The following EYS variants were observed in gnomAD, a reference collection of about 807,000 sequenced individuals.
EYS encodes EGF-like photoreceptor maintenance factor, also known as protein eyes shut homolog.
A neutral mutation model predicts 282.1 loss-of-function variants in EYS; 250 were observed. The ratio of observed to expected loss-of-function variants is 0.89; its 90% CI spans 0.80 to 0.98. The LOEUF (loss-of-function observed/expected upper bound fraction) is 0.98. Among genes scored for constraint, EYS ranks in the 50% least tolerant of loss-of-function variants. EYS has a pLI of 0.00. For synonymous variants in EYS, 1,355 were observed against 1,282.9 expected (o/e 1.06, Z -1.20); for missense variants, 4,016 against 3,709.0 (o/e 1.08, Z -2.15).
intron 26 of EYS, among the ~76,000 whole-genome samples, chr6:64,459,788 T>C (rs759378257): frequency 1.3e-5 from 2 of 152,180 alleles, no homozygotes; most frequent in Admixed American, 6.5e-5. Flanking sequence ...GCCAGCCAGA[T>C]TGAGGGTGGG....
chr6:65,671,292 A>G (rs967350596), intron 1 of EYS, among the ~76,000 whole-genome samples: 4 of 152,094 alleles, frequency 2.6e-5, no homozygotes, highest in Admixed American at 6.6e-5. Context: ...TTTATTTTAC[A>G]TGAAAACAAA....
intron 13 of EYS, among the ~76,000 whole-genome samples, chr6:65,029,942 C>A (rs553386785): frequency 6.6e-6 from 1 of 152,114 alleles, no homozygotes; most frequent in African/African-American, 2.4e-5. Context: ...ATGGCCCACT[C>A]TCACTATGGA....
At chr6:64,781,935 T>C (rs1773875297) in intron 22 of EYS, among the ~76,000 whole-genome samples, 1 of 152,218 alleles carries the variant, frequency 6.6e-6, no homozygotes, top group African/African-American at 2.4e-5. Context: ...AGATGCTAAA[T>C]ATGGCACAGT....
intron 9 of EYS, among the ~76,000 whole-genome samples, chr6:65,348,660 C>T (rs981435004): frequency 6.6e-6 from 1 of 151,456 alleles, no homozygotes; most frequent in Non-Finnish European, 1.5e-5. Flanking sequence ...TATGATATAC[C>T]ATTCTGTGAG....
chr6:64,455,050 C>T (rs892332538), intron 26 of EYS, among the ~76,000 whole-genome samples: 1 of 152,000 alleles, frequency 6.6e-6, no homozygotes, highest in Non-Finnish European at 1.5e-5. Context: ...TATTGAGCAA[C>T]CTTGTCGAAC....
intron 12 of EYS, among the ~76,000 whole-genome samples, chr6:65,246,892 A>T (rs995809180): frequency 3.9e-5 from 6 of 152,110 alleles, no homozygotes; most frequent in Non-Finnish European, 7.4e-5. Context: ...TTTCAAGTAC[A>T]TTCCTAAAGT....
At chr6:64,407,301 G>T (rs1202249306) in intron 28 of EYS, among the ~76,000 whole-genome samples, 1 of 151,990 alleles carries the variant, frequency 6.6e-6, no homozygotes, top group Non-Finnish European at 1.5e-5. Context: ...CCTGTCATGG[G>T]GTGGGGGGCT....
rs144581026 is a variant in EYS at position 65,401,117 on chromosome 6, C to A, written c.1184+1361G>T. 4.1e-3 allele frequency among the ~76,000 whole-genome samples: 624 copies of A among 152,026 alleles called. 5 individuals are homozygous for A. The highest frequency in any genetic ancestry group is 0.014 in the African/African-American group (591 of 41,524). On this transcript the variant is annotated intron_variant, in intron 7 of 42. Transcript: ENST00000503581. Reference sequence around the variant, plus strand: ...AGTTCTAATTTCAAAGTGTTAGAGTCACTGACCTAGGAAAACATACCTCAT... The same window carrying A: ...AGTTCTAATTTCAAAGTGTTAGAGTAACTGACCTAGGAAAACATACCTCAT...
intron 35 of EYS, among the ~76,000 whole-genome samples, chr6:63,927,833 G>T (rs891765245): frequency 2.0e-5 from 3 of 152,208 alleles, no homozygotes; most frequent in African/African-American, 7.2e-5. Flanking sequence ...TAGCTTGGAG[G>T]TAGTGGTGAA....
intron 12 of EYS, among the ~76,000 whole-genome samples, chr6:65,166,918 A>G (rs1764986653): frequency 6.6e-6 from 1 of 151,248 alleles, no homozygotes; most frequent in Non-Finnish European, 1.5e-5. Flanking sequence ...CATAATATAA[A>G]CAGTCAATAA....
intron 36 of EYS, among the ~76,000 whole-genome samples, chr6:63,831,362 A>T (rs960039437): frequency 1.3e-5 from 2 of 152,200 alleles, no homozygotes; most frequent in Admixed American, 6.5e-5. Flanking sequence ...AAATAAAGGG[A>T]TGAAGGAAGA....
chr6:64,322,186 G>T (rs1770239988), intron 29 of EYS, among the ~76,000 whole-genome samples: 1 of 151,978 alleles, frequency 6.6e-6, no homozygotes, highest in Non-Finnish European at 1.5e-5. Context: ...AGTAGAGCCT[G>T]AAAATTAATC....
Position 64,921,624 on chromosome 6 carries a change from C to T in EYS, c.2382-8881G>A, listed in dbSNP as rs139751017. 3.2e-3 allele frequency among the ~76,000 whole-genome samples: 485 copies of T among 152,174 alleles called. 9 individuals carry two copies. Among genetic ancestry groups the T allele is most frequent in the African/African-American group, 0.011 (458 of 41,546 alleles). Reference sequence around the variant, plus strand: ...AAAAAGCCTTTAAAATTCACTAAGCCAGAACTTCAAACTCATGGAAAGAAA... The same window carrying T: ...AAAAAGCCTTTAAAATTCACTAAGCTAGAACTTCAAACTCATGGAAAGAAA... On this transcript the variant is annotated intron_variant, in intron 15 of 42. Coordinates refer to ENST00000503581, the MANE Select transcript of EYS (RefSeq NM_001142800.2).
intron 31 of EYS, among the ~76,000 whole-genome samples, chr6:64,167,589 T>A (rs1050724878): frequency 5.3e-5 from 8 of 152,222 alleles, no homozygotes; most frequent in Non-Finnish European, 1.0e-4. Context: ...TCTGGCTGAC[T>A]CTGACTTTCT....
chr6:64,563,411 T>C (rs1044150491), intron 26 of EYS, among the ~76,000 whole-genome samples: 2 of 152,208 alleles, frequency 1.3e-5, no homozygotes, highest in South Asian at 2.1e-4. Flanking sequence ...GTATAATCAT[T>C]AATAATTAAG....
chr6:64,668,696 C>A (rs1044745323), intron 22 of EYS, among the ~76,000 whole-genome samples: 2 of 151,942 alleles, frequency 1.3e-5, no homozygotes, highest in Admixed American at 6.6e-5. Context: ...TCCCAAGTAG[C>A]TGGGACTACA....
At chr6:64,547,595 A>G (rs1350205076) in intron 26 of EYS, among the ~76,000 whole-genome samples, 2 of 152,186 alleles carry the variant, frequency 1.3e-5, no homozygotes, top group African/African-American at 2.4e-5. Context: ...TGGTGTATTT[A>G]CAATCCCTTA....
At chr6:65,532,985 T>C (rs10484936) in intron 2 of EYS, among the ~76,000 whole-genome samples, 25,559 of 151,988 alleles carry the variant, frequency 0.17, 2,458 homozygotes, top group African/African-American at 0.25. Context: ...AACTTTGCAA[T>C]TGTCGATTTT....
Position 64,109,691 on chromosome 6 carries a change from A to G in EYS, c.6425-27689T>C, listed in dbSNP as rs1169958896. Among the ~76,000 whole-genome samples, 3 of 152,262 alleles carry G rather than the reference A, an allele frequency of 2.0e-5. No individual in the cohort carries two copies. In the East Asian group the frequency reaches 5.8e-4, roughly 29 times the overall value. On this transcript the variant is annotated intron_variant, in intron 31 of 42. Transcript: ENST00000503581. ...TCAAAATTCAGATATAAACCTAAAA[A>G]GGTTCAGTAGTACAGTTCAATGGGA...
Sources: gnomAD v4.1 joint callset for allele counts (sites outside exome capture counted in the v4.1 genomes callset) on GRCh38, gnomAD v4.1.1 for gene constraint, MANE v1.5 for transcripts, NCBI Gene and HGNC (gene_info 2026-07-23, HGNC 2026-07-21) for gene names.